PCDHA6: variants seen among roughly 807,000 people sequenced by gnomAD.
The protein encoded by PCDHA6 is protocadherin alpha 6.
In PCDHA6, 55 loss-of-function variants were observed where a neutral mutation model predicts 60.3. That is an observed-to-expected ratio of 0.91 (90% CI 0.73 to 1.14). The LOEUF is 1.14. PCDHA6 is among the 50% of genes most tolerant of loss of function. The pLI is 0.00. For missense variants in PCDHA6, 1,327 were observed against 1,256.5 expected (o/e 1.06, Z -0.85); for synonymous variants, 652 against 557.9 (o/e 1.17, Z -2.38).
rs568088223 is a variant in PCDHA6, at chr5:140,879,577, G to T, written c.2394+49092G>T. ...ATCCATGAAAGAATAAAATTGCCAA[G>T]ACAGACATTGAAAAGTGAAAAACAA... is the stretch of plus-strand genomic sequence containing the variant. On this transcript the variant is annotated intron_variant, in intron 1 of 3. Transcript: ENST00000529310. Among the ~76,000 whole-genome samples, 5 of 152,302 alleles carry T rather than the reference G, an allele frequency of 3.3e-5. No homozygotes were observed. In the South Asian group the frequency reaches 1.0e-3, roughly 32 times the overall value.
intron 1 of PCDHA6, chr5:140,966,805 T>C (rs1554228690): frequency 6.5e-7 from 1 of 1,545,566 alleles, no homozygotes; most frequent in South Asian, 1.2e-5. Flanking sequence ...CGACAGAGCA[T>C]CCACGGCTCC....
rs1391320223 is a variant in PCDHA6, at chr5:140,927,345, C to T, written c.2395-51604C>T. The T allele has an allele frequency of 1.2e-6, 2 of 1,614,012 alleles. 1 individual carries two copies. On this transcript the variant is annotated intron_variant, in intron 1 of 3. Transcript: ENST00000529310. The stretch of plus-strand genomic sequence containing the variant: ...TTACTCTCCCGAATGCCCAAGATGA[C>T]GACGAGGGAAGCAATGGGATACTAA...
rs187345731 is a variant in PCDHA6, at chr5:140,885,533, C to T, written c.2394+55048C>T. Among the ~76,000 whole-genome samples, 472 of 152,120 alleles carry T rather than the reference C, an allele frequency of 3.1e-3. 3 individuals carry two copies. Among genetic ancestry groups the T allele is most frequent in the Middle Eastern group, 0.014 (4 of 294 alleles). On this transcript the variant is annotated intron_variant, in intron 1 of 3. Coordinates refer to ENST00000529310, the MANE Select transcript of PCDHA6 (RefSeq NM_018909.4). Reference sequence around the variant, plus strand: ...CTGTGCTATCATTTCATATATTTCCCAAAATATTGGTGTTATTTCTACGAA... The same window carrying T: ...CTGTGCTATCATTTCATATATTTCCTAAAATATTGGTGTTATTTCTACGAA...
intron 1 of PCDHA6, among the ~76,000 whole-genome samples, chr5:140,941,214 C>CCTTCCTTTCTTT (rs1554214040): frequency 1.6e-5 from 2 of 122,412 alleles, no homozygotes; most frequent in Non-Finnish European, 3.4e-5. Flanking sequence ...TTTCTTTCTT[C>CCTTCCTTTCTTT]CTTTCTTTCT....
chr5:140,857,296 G>A, intron 1 of PCDHA6: 1 of 1,598,680 alleles, frequency 6.3e-7, no homozygotes, highest in Non-Finnish European at 8.6e-7. Flanking sequence ...ACCGCGAGAG[G>A]GTGTCGGCCT....
chr5:140,916,475 C>T (rs2077583115), intron 1 of PCDHA6, among the ~76,000 whole-genome samples: 1 of 152,206 alleles, frequency 6.6e-6, no homozygotes, highest in South Asian at 2.1e-4. Flanking sequence ...TTATTTGGTG[C>T]CCAAGGGCTC....
At chr5:140,884,569 G>A (rs144735555) in intron 1 of PCDHA6, 2 of 1,614,008 alleles carry the variant, frequency 1.2e-6, no homozygotes, top group East Asian at 2.2e-5. Context: ...CGCATAAGAC[G>A]GACCTCATGG....
chr5:140,917,338 G>GGGGGGGGGGGGGGGGGA (rs2078134893), intron 1 of PCDHA6, among the ~76,000 whole-genome samples: 1 of 137,894 alleles, frequency 7.3e-6, no homozygotes, highest in Non-Finnish European at 1.6e-5. Flanking sequence ...GGAGGGGGGG[G>GGGGGGGGGGGGGGGGGA]ATGGTGTAGG....
chr5:140,850,170 AACG>A (rs2150470514), intron 1 of PCDHA6: 1 of 1,594,520 alleles, frequency 6.3e-7, no homozygotes, highest in Non-Finnish European at 8.6e-7. Context: ...GCTGGACGAG[AACG>A]ACAATGCGCC....
At chr5:140,858,554 A>T in intron 1 of PCDHA6, 1 of 1,391,946 alleles carries the variant, frequency 7.2e-7, no homozygotes, top group Non-Finnish European at 9.9e-7. Flanking sequence ...TTTATGCTTG[A>T]ATATTTCTAG....
At chr5:140,855,048 A>G (rs2043321235) in intron 1 of PCDHA6, among the ~76,000 whole-genome samples, 1 of 149,960 alleles carries the variant, frequency 6.7e-6, no homozygotes, top group Admixed American at 6.7e-5. Flanking sequence ...CTGTAATAGT[A>G]CTTTTCTGTT....
intron 1 of PCDHA6, among the ~76,000 whole-genome samples, chr5:140,965,185 CAT>C (rs782612335): frequency 4.6e-5 from 7 of 152,138 alleles, no homozygotes; most frequent in Non-Finnish European, 1.0e-4. Flanking sequence ...TTTTTTTGCA[CAT>C]GAGGCAATAG....
chr5:140,834,356 G>A, intron 1 of PCDHA6: 1 of 1,542,744 alleles, frequency 6.5e-7, no homozygotes, highest in Non-Finnish European at 8.7e-7. Context: ...AAGTTTTGCT[G>A]ACTAGAAAAA....
rs200722492 is a variant in PCDHA6, at chr5:140,856,425, A to T, written c.2394+25940A>T. ...GTGGACGTGGAAGTGAAGGACATTAACGACAACCCGCCCAGGTTCTCCGTA... is the reference window on the plus strand; with the variant it reads ...GTGGACGTGGAAGTGAAGGACATTATCGACAACCCGCCCAGGTTCTCCGTA... On this transcript the variant is annotated intron_variant, in intron 1 of 3. Transcript: ENST00000529310. The T allele has an allele frequency of 2.3e-5, 37 of 1,598,204 alleles. 1 individual carries two copies. The highest frequency in any genetic ancestry group is 1.9e-4 in the Admixed American group (11 of 59,214).
intron 3 of PCDHA6, among the ~76,000 whole-genome samples, chr5:141,007,302 G>A (rs1211833053): frequency 6.7e-6 from 1 of 150,298 alleles, no homozygotes; most frequent in Non-Finnish European, 1.5e-5. Context: ...TGTAATCTTA[G>A]CATTTTGGGA....
intron 1 of PCDHA6, among the ~76,000 whole-genome samples, chr5:140,974,552 C>A (rs1554236185): frequency 6.6e-6 from 1 of 152,112 alleles, no homozygotes; most frequent in Non-Finnish European, 1.5e-5. Context: ...GCTCTTGTTG[C>A]CCAGGCTGGA....
Position 140,954,691 on chromosome 5 carries a change from A to G in PCDHA6, c.2395-24258A>G, listed in dbSNP as rs561318179. Among the ~76,000 whole-genome samples the G allele has an allele frequency of 9.2e-5, 14 of 152,162 alleles. No homozygotes were observed. The East Asian group carries it at 2.5e-3, about 27-fold the overall frequency. ...TATTAGACTTTTGTCAGATGGATAG[A>G]CTACAAAATTTTTCTCCCATTCTGT... On this transcript the variant is annotated intron_variant, in intron 1 of 3. Coordinates refer to ENST00000529310, the MANE Select transcript of PCDHA6 (RefSeq NM_018909.4).
chr5:140,946,807 A>G (rs1333101378), intron 1 of PCDHA6, among the ~76,000 whole-genome samples: 3 of 151,418 alleles, frequency 2.0e-5, no homozygotes, highest in Non-Finnish European at 4.4e-5. Context: ...CAGAGAGTAT[A>G]ACAGTGATTA....
chr5:140,902,419 T>C (rs2069442508), intron 1 of PCDHA6, among the ~76,000 whole-genome samples: 1 of 152,118 alleles, frequency 6.6e-6, no homozygotes, highest in Non-Finnish European at 1.5e-5. Flanking sequence ...ATAACAGTGG[T>C]GAAAGTGGGC....
Sources: allele counts gnomAD v4.1 joint callset (sites outside exome capture counted in the v4.1 genomes callset), GRCh38; gene constraint gnomAD v4.1.1; transcripts MANE v1.5; gene names NCBI Gene and HGNC (gene_info 2026-07-23, HGNC 2026-07-21).